UGT2B7: variants seen among roughly 807,000 people sequenced by gnomAD.
UGT2B7 encodes the protein UDP-glucuronosyltransferase 2B7.
UGT2B7 carries 51 observed loss-of-function variants against 51.9 expected under a neutral mutation model. The ratio of observed to expected loss-of-function variants is 0.98; its 90% CI spans 0.78 to 1.24. UGT2B7 has a LOEUF of 1.24. Among genes scored for constraint, UGT2B7 ranks in the 50% most tolerant of loss-of-function variants. The pLI is 0.00. For synonymous variants in UGT2B7, 225 were observed against 211.6 expected, an observed-to-expected ratio of 1.06 and a Z score of -0.55; for missense variants, 727 against 628.4, an observed-to-expected ratio of 1.16 and a Z score of -1.68.
intron 1 of UGT2B7, chr4:69,069,651 AAAT>A (rs1434451614): frequency 1.3e-5 from 2 of 152,010 alleles, no homozygotes; most frequent in Non-Finnish European, 2.9e-5. Flanking sequence ...TGTAAAAAAA[AAAT>A]GTAATGTAGT....
intron 1 of UGT2B7, among the ~76,000 whole-genome samples, chr4:69,085,083 G>A (rs1002625680): frequency 1.3e-5 from 2 of 152,026 alleles, no homozygotes; most frequent in Non-Finnish European, 2.9e-5. Context: ...TACACTCCCA[G>A]CAACAGTGTA....
At chr4:69,078,705 C>G (rs565142841) in intron 1 of UGT2B7, among the ~76,000 whole-genome samples, 1 of 152,120 alleles carries the variant, frequency 6.6e-6, no homozygotes, top group Non-Finnish European at 1.5e-5. Context: ...CAGCCCTAAT[C>G]TGCTGTTTTT....
At chr4:69,073,411 A>T (rs1159639469) in intron 1 of UGT2B7, among the ~76,000 whole-genome samples, 8 of 152,114 alleles carry the variant, frequency 5.3e-5, no homozygotes, top group Non-Finnish European at 1.0e-4. Flanking sequence ...TTTTCTATAG[A>T]TTCTTCTTGG....
Position 69,096,841 on chromosome 4 carries a change from A to T in UGT2B7, c.321A>T (p.Leu107Phe), listed in dbSNP as rs140153012. The stretch of plus-strand genomic sequence containing the variant: ...ACCTTCCAAAAGATACATTTTGGTT[A>T]TATTTTTCACAAGTACAGGAAATCA... ...WSDLPKDTFW[L>F]YFSQVQEIMS... Residue 107 changes from leucine to phenylalanine, a missense_variant, in exon 1 of 6, where the codon TTA becomes TTT. Leu to Phe is a conservative substitution (Grantham distance 22, BLOSUM62 0). Coordinates refer to ENST00000305231, the MANE Select transcript of UGT2B7 (RefSeq NM_001074.4). The T allele has an allele frequency of 6.5e-4, 1,051 of 1,613,804 alleles. 8 individuals are homozygous for T. The African/African-American group carries it at 0.013, about 19-fold the overall frequency.
intron 1 of UGT2B7, among the ~76,000 whole-genome samples, chr4:69,063,961 T>C (rs558776248): frequency 2.7e-5 from 4 of 149,412 alleles, no homozygotes; most frequent in African/African-American, 7.4e-5. Flanking sequence ...AATTAAATGA[T>C]AGTGATGCCT....
chr4:69,092,045 C>T (rs111488854), upstream of UGT2B7, among the ~76,000 whole-genome samples: 854 of 152,216 alleles, frequency 5.6e-3, 5 homozygotes, highest in African/African-American at 0.02. Context: ...AGTGATCCTC[C>T]CCACCAAAGC....
At chr4:69,092,790 T>A (rs985980230), upstream of UGT2B7, among the ~76,000 whole-genome samples, 1 of 151,958 alleles carries the variant, frequency 6.6e-6, no homozygotes, top group Non-Finnish European at 1.5e-5. Flanking sequence ...CATTTTTATA[T>A]AGCTATCCTA....
At chr4:69,103,156 C>G (rs1245069172) in intron 3 of UGT2B7, among the ~76,000 whole-genome samples, 1 of 151,650 alleles carries the variant, frequency 6.6e-6, no homozygotes, top group African/African-American at 2.4e-5. Flanking sequence ...TGTAAATATG[C>G]TGACAATAAA....
intron 5 of UGT2B7, 99 bp from the exon 6 acceptor site, chr4:69,112,358 T>C: frequency 6.8e-7 from 1 of 1,471,404 alleles, no homozygotes; most frequent in Non-Finnish European, 9.1e-7. Flanking sequence ...TTGCCGATGC[T>C]CCCAGCCGAA....
intron 1 of UGT2B7, among the ~76,000 whole-genome samples, chr4:69,085,641 C>G (rs995844756): frequency 1.3e-5 from 2 of 151,710 alleles, no homozygotes; most frequent in Non-Finnish European, 3.0e-5. Context: ...AGTACTGAAA[C>G]TATCAGTTCA....
upstream of UGT2B7, among the ~76,000 whole-genome samples, chr4:69,094,380 C>T (rs1376007702): frequency 1.3e-4 from 4 of 29,786 alleles, 2 homozygotes; most frequent in Non-Finnish European, 2.0e-4. Context: ...GATCTCCTGA[C>T]CTCGTGATCC....
At chr4:69,061,833 C>T (rs1486459005) in intron 1 of UGT2B7, among the ~76,000 whole-genome samples, 2 of 152,174 alleles carry the variant, frequency 1.3e-5, no homozygotes, top group Non-Finnish European at 2.9e-5. Flanking sequence ...TGAAAACCTG[C>T]TTATGGACTT....
intron 1 of UGT2B7, among the ~76,000 whole-genome samples, chr4:69,085,208 C>A (rs1718923607): frequency 6.6e-6 from 1 of 152,124 alleles, no homozygotes; most frequent in African/African-American, 2.4e-5. Flanking sequence ...ATTTGCATTT[C>A]TCTAATGATA....
chr4:69,086,885 C>A (rs7437174), intron 1 of UGT2B7, among the ~76,000 whole-genome samples: 87,541 of 151,666 alleles, frequency 0.58, 26,262 homozygotes, highest in African/African-American at 0.71. Context: ...CCTGTGGCAA[C>A]AATACAGTTG....
intron 1 of UGT2B7, among the ~76,000 whole-genome samples, chr4:69,073,571 A>G (rs114419747): frequency 1.5e-3 from 232 of 152,316 alleles, no homozygotes; most frequent in African/African-American, 5.2e-3. Context: ...CCTCGGTCAA[A>G]TAAGGTGAAC....
intron 1 of UGT2B7, among the ~76,000 whole-genome samples, chr4:69,057,347 C>T (rs951716817): frequency 1.6e-4 from 25 of 152,158 alleles, no homozygotes; most frequent in Admixed American, 2.0e-4. Context: ...CACACACACA[C>T]ACGCACACTT....
chr4:69,077,841 A>G (rs1446784904), intron 1 of UGT2B7, among the ~76,000 whole-genome samples: 1 of 152,186 alleles, frequency 6.6e-6, no homozygotes, highest in Non-Finnish European at 1.5e-5. Flanking sequence ...GAGAGAGGGC[A>G]TCCTTGCCTT....
At chr4:69,052,096 G>A (rs1229129003) in intron 1 of UGT2B7, among the ~76,000 whole-genome samples, 2 of 152,094 alleles carry the variant, frequency 1.3e-5, no homozygotes, top group African/African-American at 2.4e-5. Context: ...ATGACTCCAG[G>A]AAAACTTAGA....
chr4:69,096,975 C>T lies in UGT2B7; in HGVS notation c.455C>T (p.Ala152Val). The T allele has an allele frequency of 2.5e-6, 4 of 1,613,626 alleles. No individual in the cohort carries two copies. Among genetic ancestry groups the T allele is most frequent in the South Asian group, 1.1e-5 (1 of 91,004 alleles). Reference protein sequence around the residue: ...ESRFDVIFADAIFPCSELLAE... With the variant: ...ESRFDVIFADVIFPCSELLAE... ...AGATTTGACGTCATTTTTGCAGATG[C>T]TATTTTTCCCTGTAGTGAGCTGCTG... Residue 152 changes from alanine to valine, a missense_variant, in exon 1 of 6, where the codon GCT becomes GTT. Transcript: ENST00000305231.
Sources: gnomAD v4.1 joint callset for allele counts (sites outside exome capture counted in the v4.1 genomes callset) on GRCh38, gnomAD v4.1.1 for gene constraint, MANE v1.5 for transcripts, NCBI Gene and HGNC (gene_info 2026-07-23, HGNC 2026-07-21) for gene names.